TRAF3: variants seen among roughly 807,000 people sequenced by gnomAD.
The protein encoded by TRAF3 is TNF receptor associated factor 3.
TRAF3 carries 13 observed loss-of-function variants against 62.3 expected under a neutral mutation model. That is an observed-to-expected ratio of 0.21 (90% confidence interval 0.14 to 0.33). TRAF3 has a LOEUF of 0.33. Among genes scored for constraint, TRAF3 ranks in the 10% least tolerant of loss-of-function variants. The probability of loss-of-function intolerance (pLI) is 1.00; values close to 1 mark genes in which losing one functional copy is unlikely to be tolerated. For synonymous variants in TRAF3, 269 were observed against 283.4 expected (o/e 0.95, Z 0.51); for missense variants, 440 against 741.8 (o/e 0.59, Z 4.73).
At chr14:102,881,567 A>G (rs1205599000) in intron 6 of TRAF3, among the ~76,000 whole-genome samples, 1 of 152,112 alleles carries the variant, frequency 6.6e-6, no homozygotes, top group Non-Finnish European at 1.5e-5. Flanking sequence ...TTAGGGGATC[A>G]ACACACGCAG....
intron 1 of TRAF3, among the ~76,000 whole-genome samples, chr14:102,787,829 A>G (rs1897582866): frequency 6.7e-6 from 1 of 148,474 alleles, no homozygotes; most frequent in Admixed American, 6.7e-5. Flanking sequence ...TTTTTTCCAT[A>G]GCAGAAAATG....
intron 6 of TRAF3, 47 bp downstream of exon 6, chr14:102,876,572 A>G (rs1888665024): frequency 1.2e-6 from 2 of 1,603,380 alleles, no homozygotes; most frequent in Non-Finnish European, 1.7e-6. Flanking sequence ...TTCCTATATG[A>G]TACATTCCAC....
At chr14:102,879,146 G>T (rs1016224653) in intron 6 of TRAF3, among the ~76,000 whole-genome samples, 1 of 152,008 alleles carries the variant, frequency 6.6e-6, no homozygotes, top group Non-Finnish European at 1.5e-5. Flanking sequence ...GCTCGTGGGG[G>T]CCTGGGCACA....
chr14:102,778,316 C>G lies in TRAF3; in HGVS notation c.-157+641C>G, dbSNP rs898374993. Among the ~76,000 whole-genome samples the G allele has an allele frequency of 5.9e-5, 9 of 151,972 alleles. No homozygotes were observed. In the South Asian group the frequency reaches 1.4e-3, roughly 24 times the overall value. ...TCTTCCCCGCGGGCGCCAGGCGGCT[C>G]TCGGCGGGCTGGCCGGTTCCACGCC... On this transcript the variant is annotated intron_variant, in intron 1 of 11. Coordinates refer to ENST00000392745, the MANE Select transcript of TRAF3 (RefSeq NM_145725.3).
intron 6 of TRAF3, among the ~76,000 whole-genome samples, chr14:102,878,207 C>G (rs1595387902): frequency 6.6e-6 from 1 of 152,164 alleles, no homozygotes; most frequent in Non-Finnish European, 1.5e-5. Context: ...TGTGACATAA[C>G]CATCACTTAC....
At chr14:102,885,225 C>T (rs1176795884) in intron 6 of TRAF3, among the ~76,000 whole-genome samples, 3 of 152,206 alleles carry the variant, frequency 2.0e-5, no homozygotes, top group Non-Finnish European at 4.4e-5. Context: ...GGCCGCTGCC[C>T]TCCTCAGCCC....
At chr14:102,842,788 G>T (rs1275863514) in intron 2 of TRAF3, among the ~76,000 whole-genome samples, 1 of 152,174 alleles carries the variant, frequency 6.6e-6, no homozygotes, top group Non-Finnish European at 1.5e-5. Context: ...GTCACATCTT[G>T]TGTGAACCAG....
At chr14:102,872,749 TG>T (rs1217878087) in intron 4 of TRAF3, among the ~76,000 whole-genome samples, 2 of 151,722 alleles carry the variant, frequency 1.3e-5, no homozygotes, top group African/African-American at 2.4e-5. Flanking sequence ...TGGAGCACAA[TG>T]GCACGATCTT....
At chr14:102,878,690 T>C (rs890315658) in intron 6 of TRAF3, among the ~76,000 whole-genome samples, 2 of 152,098 alleles carry the variant, frequency 1.3e-5, no homozygotes, top group African/African-American at 4.8e-5. Context: ...CACTGGCTTG[T>C]CTGAGGCAGC....
At chr14:102,845,769 G>A (rs1358490009) in intron 2 of TRAF3, among the ~76,000 whole-genome samples, 1 of 151,748 alleles carries the variant, frequency 6.6e-6, no homozygotes, top group East Asian at 1.9e-4. Flanking sequence ...GCCCGCCTCG[G>A]CCTCCCAAAG....
chr14:102,802,134 G>A (rs1347216514), intron 1 of TRAF3, among the ~76,000 whole-genome samples: 13 of 147,496 alleles, frequency 8.8e-5, no homozygotes, highest in African/African-American at 3.0e-4. Flanking sequence ...TTGCAGGCAT[G>A]AGCCATTGCA....
intron 1 of TRAF3, among the ~76,000 whole-genome samples, chr14:102,829,564 C>T (rs1900533121): frequency 1.3e-5 from 2 of 152,206 alleles, no homozygotes; most frequent in African/African-American, 4.8e-5. Flanking sequence ...GCTGGCAATG[C>T]ATGATGTCTC....
At chr14:102,887,847 G>A (rs11160705) in intron 7 of TRAF3, among the ~76,000 whole-genome samples, 64,240 of 151,818 alleles carry the variant, frequency 0.42, 18,731 homozygotes, top group African/African-American at 0.83. Context: ...TGCCCGCCTC[G>A]GCCTCCTAAG....
chr14:102,882,503 G>A (rs2139895777), intron 6 of TRAF3, among the ~76,000 whole-genome samples: 1 of 151,952 alleles, frequency 6.6e-6, no homozygotes, highest in African/African-American at 2.4e-5. Context: ...GCCTGGTTCT[G>A]TGACTTGCCC....
At chr14:102,866,890 C>CAG (rs2139811068) in intron 2 of TRAF3, among the ~76,000 whole-genome samples, 1 of 140,292 alleles carries the variant, frequency 7.1e-6, no homozygotes, top group African/African-American at 2.7e-5. Context: ...CACACACACA[C>CAG]ACAAAACAAT....
intron 1 of TRAF3, among the ~76,000 whole-genome samples, chr14:102,827,605 T>C (rs555128438): frequency 2.0e-5 from 3 of 152,168 alleles, no homozygotes; most frequent in African/African-American, 7.2e-5. Flanking sequence ...TCAGAAAGTT[T>C]CGGATTTTGG....
chr14:102,837,135 TG>T (rs1566765590), intron 2 of TRAF3, among the ~76,000 whole-genome samples: 6 of 137,164 alleles, frequency 4.4e-5, no homozygotes, highest in African/African-American at 1.3e-4. Flanking sequence ...TGTGTGTGTG[TG>T]TGTGTGTTTT....
At chr14:102,893,683 A>G (rs1003804670) in intron 9 of TRAF3, among the ~76,000 whole-genome samples, 2 of 152,152 alleles carry the variant, frequency 1.3e-5, no homozygotes, top group East Asian at 1.9e-4. Flanking sequence ...TGTTTAAACT[A>G]TCTCCAGCCA....
At position 102,909,710 on chromosome 14, in the gene TRAF3, C is replaced by G. The variant is rs1890765514; in HGVS notation, c.*3926C>G. 6.6e-6 allele frequency: 1 copy of G among 152,378 alleles called. No homozygotes were observed. The highest frequency in any genetic ancestry group is 1.5e-5 in the Non-Finnish European group (1 of 68,160). The allele number at this position is 152,378 out of a possible 1,614,324, so 9.4% of individuals were successfully genotyped here. A position where few individuals can be genotyped will look rare whatever the true frequency, so the allele number is the denominator to read the frequency against. On this transcript the variant is annotated 3_prime_UTR_variant, in exon 12 of 12. Transcript: ENST00000392745. Reference sequence around the variant, plus strand: ...GGCCCAGCTCGGTGAGGATGCAGTTCTAGGCACAGCCCCTGGGACAGCCAG... The same window carrying G: ...GGCCCAGCTCGGTGAGGATGCAGTTGTAGGCACAGCCCCTGGGACAGCCAG...
Sources: gnomAD v4.1 joint callset for allele counts (sites outside exome capture counted in the v4.1 genomes callset) on GRCh38, gnomAD v4.1.1 for gene constraint, MANE v1.5 for transcripts, NCBI Gene and HGNC (gene_info 2026-07-23, HGNC 2026-07-21) for gene names.